PLCG2: variants seen among roughly 807,000 people sequenced by gnomAD.
PLCG2 encodes the protein 1-phosphatidylinositol 4,5-bisphosphate phosphodiesterase gamma-2.
In PLCG2, 69 loss-of-function variants were observed where a neutral mutation model predicts 175.6. That is an observed-to-expected ratio of 0.39 (90% CI 0.32 to 0.48). PLCG2 has a LOEUF of 0.48. PLCG2 is among the 20% of genes least tolerant of loss of function. The probability of loss-of-function intolerance (pLI) is 0.91; values close to 1 mark genes in which losing one functional copy is unlikely to be tolerated. For missense variants in PLCG2, 1,798 were observed against 1,650.9 expected (o/e 1.09, Z -1.54); for synonymous variants, 827 against 624.0 (o/e 1.33, Z -4.85).
chr16:81,956,662 C>T, intron 31 of PLCG2, 33 bp from the exon 32 acceptor site: 1 of 1,596,694 alleles, frequency 6.3e-7, no homozygotes, highest in Admixed American at 1.7e-5. Context: ...GGTGTAGTCA[C>T]CACATGGTTG....
At chr16:81,832,333 G>A (rs1905294123) in intron 2 of PLCG2, among the ~76,000 whole-genome samples, 1 of 152,196 alleles carries the variant, frequency 6.6e-6, no homozygotes. Flanking sequence ...AGCAAAAGAG[G>A]TTAAGTGAAT....
intron 31 of PLCG2, among the ~76,000 whole-genome samples, chr16:81,948,208 A>ATTAGCAATGG (rs1555523838): frequency 6.6e-6 from 1 of 152,244 alleles, no homozygotes. Context: ...CTGCATGTCA[A>ATTAGCAATGG]ATTGTTCTCT....
chr16:81,768,582 C>G (rs1910204634), intron 2 of PLCG2, among the ~76,000 whole-genome samples: 1 of 112,858 alleles, frequency 8.9e-6, no homozygotes, highest in African/African-American at 3.4e-5. Context: ...TTTTTTTTCC[C>G]GAGATGGAGT....
upstream of PLCG2, among the ~76,000 whole-genome samples, chr16:81,778,071 C>CAAAAAAAAA (rs1567458002): frequency 1.3e-5 from 1 of 77,200 alleles, no homozygotes; most frequent in Non-Finnish European, 2.5e-5. Flanking sequence ...AAACCAAAAA[C>CAAAAAAAAA]ACACACACAC....
At chr16:81,806,333 G>C (rs946844976) in intron 2 of PLCG2, among the ~76,000 whole-genome samples, 3 of 152,052 alleles carry the variant, frequency 2.0e-5, no homozygotes, top group East Asian at 1.9e-4. Flanking sequence ...GGTGCTCCCT[G>C]TGTGTGTGAT....
At position 81,958,452 on chromosome 16, in the gene PLCG2, A is replaced by C. The variant is rs1939921996; in HGVS notation, c.*454A>C. The stretch of plus-strand genomic sequence containing the variant: ...GAGATTCTGAAAAGGATTTTAACTC[A>C]AAGGCAAATGATTCCATAAGGGCCC... On this transcript the variant is annotated 3_prime_UTR_variant, in exon 33 of 33. Coordinates refer to ENST00000564138, the MANE Select transcript of PLCG2 (RefSeq NM_002661.5). The C allele has an allele frequency of 4.1e-6, 1 of 241,020 alleles. No homozygotes were observed. Among genetic ancestry groups the C allele is most frequent in the African/African-American group, 2.2e-5 (1 of 45,408 alleles). The allele number at this position is 241,020 out of a possible 1,614,324, so 14.9% of individuals were successfully genotyped here. A position where few individuals can be genotyped will look rare whatever the true frequency, so the allele number is the denominator to read the frequency against.
intron 9 of PLCG2, among the ~76,000 whole-genome samples, chr16:81,887,866 C>T (rs893489075): frequency 2.6e-5 from 4 of 152,154 alleles, no homozygotes; most frequent in African/African-American, 4.8e-5. Context: ...TAATATTATG[C>T]ATTCTTTTTT....
chr16:81,761,915 T>G (rs1910049850), intron 2 of PLCG2, among the ~76,000 whole-genome samples: 1 of 148,706 alleles, frequency 6.7e-6, no homozygotes, highest in South Asian at 2.1e-4. Flanking sequence ...CACTCTAACC[T>G]CTGCCTCCTA....
intron 2 of PLCG2, among the ~76,000 whole-genome samples, chr16:81,764,090 C>T (rs1398267491): frequency 1.3e-5 from 2 of 151,986 alleles, no homozygotes; most frequent in Admixed American, 6.6e-5. Context: ...CCCAGGAGTT[C>T]GAGACCAGCC....
chr16:81,936,457 C>A, intron 27 of PLCG2, 79 bp downstream of exon 27: 4 of 1,112,068 alleles, frequency 3.6e-6, no homozygotes, highest in Non-Finnish European at 5.5e-6. Context: ...CTTGGGTCAG[C>A]GATACCATGT....
At position 81,884,601 on chromosome 16, in the gene PLCG2, C is replaced by CTGTG. The variant is rs34497020; in HGVS notation, c.765+1276_765+1279dup. On this transcript the variant is annotated intron_variant, in intron 9 of 32. Transcript: ENST00000564138. ...GGGGATCAGAGTCAATTGTATGGAT[C>CTGTG]TGTGTGTGTGTGTGTGTGTACATGT... Among the ~76,000 whole-genome samples the CTGTG allele has an allele frequency of 2.3e-3, 346 of 150,482 alleles. 1 individual carries two copies. Among genetic ancestry groups the CTGTG allele is most frequent in the East Asian group, 4.7e-3 (24 of 5,090 alleles).
intron 19 of PLCG2, among the ~76,000 whole-genome samples, chr16:81,916,173 C>G (rs11865090): frequency 6.6e-6 from 1 of 151,772 alleles, no homozygotes; most frequent in African/African-American, 2.4e-5. Flanking sequence ...AATAAAATAT[C>G]ACTGGAAATA....
chr16:81,879,063 C>G (rs8062052), intron 7 of PLCG2, among the ~76,000 whole-genome samples: 2 of 152,014 alleles, frequency 1.3e-5, no homozygotes, highest in Non-Finnish European at 2.9e-5. Context: ...CTGCCATTGT[C>G]CGAGCTCCCT....
At chr16:81,759,603 G>C (rs1909996506) in intron 2 of PLCG2, among the ~76,000 whole-genome samples, 1 of 152,144 alleles carries the variant, frequency 6.6e-6, no homozygotes, top group Admixed American at 6.6e-5. Flanking sequence ...TTTCTAGTCT[G>C]ATCTGTCTTG....
At chr16:81,779,061 G>C (rs898630743), upstream of PLCG2, among the ~76,000 whole-genome samples, 6 of 152,318 alleles carry the variant, frequency 3.9e-5, no homozygotes, top group African/African-American at 1.4e-4. Context: ...AAGTGGCCTC[G>C]GGCAGGTAGC....
Position 81,779,408 on chromosome 16 carries a change from C to T in PLCG2, c.-64C>T, listed in dbSNP as rs1184673117. On this transcript the variant is annotated 5_prime_UTR_variant, in exon 1 of 33. Coordinates refer to ENST00000564138, the MANE Select transcript of PLCG2 (RefSeq NM_002661.5). ...ACCCGGGGCAGGCGGGCAGCTGTGC[C>T]CGGGCGGCACGGCCAGGTGAGCTGC... 1.3e-5 allele frequency: 2 copies of T among 151,230 alleles called. No individual in the cohort carries two copies. Among genetic ancestry groups the T allele is most frequent in the African/African-American group, 2.4e-5 (1 of 41,304 alleles). 9.4% of individuals were successfully genotyped at this position (151,230 alleles called of 1,614,324 possible). A position where few individuals can be genotyped will look rare whatever the true frequency, so the allele number is the denominator to read the frequency against.
intron 2 of PLCG2, among the ~76,000 whole-genome samples, chr16:81,822,453 G>T (rs1333522626): frequency 6.6e-6 from 1 of 152,040 alleles, no homozygotes; most frequent in Non-Finnish European, 1.5e-5. Flanking sequence ...GTGTTCACAG[G>T]GTCCTTTTAA....
chr16:81,883,280 G>A lies in PLCG2; in HGVS notation c.704G>A (p.Arg235Lys), dbSNP rs1482225861. The A allele has an allele frequency of 8.1e-6, 13 of 1,614,138 alleles. No homozygotes were observed. Among genetic ancestry groups the A allele is most frequent in the Non-Finnish European group, 1.0e-5 (12 of 1,179,964 alleles). The change falls in exon 9 of 33, where the codon AGG (arginine) becomes AAG (lysine). Residue 235 changes from arginine to lysine, a missense_variant. By Grantham distance (26) the Arg-to-Lys change is conservative (BLOSUM62 2). Transcript: ENST00000564138. Reference sequence around the variant, plus strand: ...TTCCCCGAGGATAGGAACACTGACAGGCCGGATGCCTCTGCTGTTTACCTG... The same window carrying A: ...TTCCCCGAGGATAGGAACACTGACAAGCCGGATGCCTCTGCTGTTTACCTG... Reference protein sequence around the residue: ...SSVFILGNTDRPDASAVYLHD... With the variant: ...SSVFILGNTDKPDASAVYLHD...
intron 2 of PLCG2, among the ~76,000 whole-genome samples, chr16:81,843,295 A>G (rs1905934339): frequency 6.6e-6 from 1 of 152,210 alleles, no homozygotes; most frequent in Non-Finnish European, 1.5e-5. Flanking sequence ...TGTTGTCAGC[A>G]AGTTGGTGGA....
Sources: allele counts gnomAD v4.1 joint callset (sites outside exome capture counted in the v4.1 genomes callset), GRCh38; gene constraint gnomAD v4.1.1; transcripts MANE v1.5; gene names NCBI Gene and HGNC (gene_info 2026-07-23, HGNC 2026-07-21).